Variants in ASAP2 observed in about 807,000 individuals in gnomAD.
The protein encoded by ASAP2 is ArfGAP with SH3 domain, ankyrin repeat and PH domain 2.
A neutral mutation model predicts 131.4 loss-of-function variants in ASAP2; 45 were observed. The ratio of observed to expected loss-of-function variants is 0.34; its 90% CI spans 0.27 to 0.44. The LOEUF is 0.44. Ranked by LOEUF, ASAP2 falls within the 20% of genes least tolerant of loss-of-function variation. The pLI is 1.00. For synonymous variants in ASAP2, 510 were observed against 503.0 expected (o/e 1.01, Z -0.19); for missense variants, 1,011 against 1,297.0 (o/e 0.78, Z 3.39).
rs748243468 is a variant in ASAP2, at chr2:9,392,667, A to G, written c.2519-815A>G. On this transcript the variant is annotated intron_variant, in intron 23 of 27. Transcript: ENST00000281419. The surrounding 1 kb of genome is among the most constrained non-coding windows in gnomAD (Gnocchi z 4.0). ...GGAAACAATAATGATAAAAAGAAAG[A>G]TCATAAGCTGGATCCCTTCATGTTT... Among the ~76,000 whole-genome samples the G allele has an allele frequency of 1.3e-5, 2 of 152,162 alleles. No homozygotes were observed. The highest frequency in any genetic ancestry group is 2.9e-5 in the Non-Finnish European group (2 of 68,024).
chr2:9,393,424 GGCCTGAGTGGGAA>G (rs1217407378), intron 23 of ASAP2, 45 bp from the exon 24 acceptor site: 12 of 1,465,600 alleles, frequency 8.2e-6, no homozygotes, highest in Middle Eastern at 1.8e-4. Flanking sequence ...CCAGTGAGGA[GGCCTGAGTGGGAA>G]GCCTGGCGGC....
intron 1 of ASAP2, among the ~76,000 whole-genome samples, chr2:9,246,429 G>A (rs886773816): frequency 3.3e-5 from 5 of 151,838 alleles, no homozygotes; most frequent in African/African-American, 1.2e-4. Context: ...TGGAGCTACA[G>A]GTGTGCGCTA....
chr2:9,384,916 A>T (rs1161105666), intron 20 of ASAP2, among the ~76,000 whole-genome samples: 1 of 152,266 alleles, frequency 6.6e-6, no homozygotes, highest in Non-Finnish European at 1.5e-5. Context: ...GCCTTGGGGC[A>T]GGAGAAGTTC....
At chr2:9,341,453 G>A (rs78046784) in intron 9 of ASAP2, among the ~76,000 whole-genome samples, 3,099 of 152,066 alleles carry the variant, frequency 0.02, 109 homozygotes, top group African/African-American at 0.071. Context: ...TGATTTCATT[G>A]TCACCTTCTG....
intron 7 of ASAP2, among the ~76,000 whole-genome samples, chr2:9,328,323 A>T (rs1329658062): frequency 6.6e-6 from 1 of 152,204 alleles, no homozygotes; most frequent in Non-Finnish European, 1.5e-5. Context: ...TAAAAGGATG[A>T]ATTTTATGGC....
At chr2:9,376,645 C>T (rs562607434) in intron 17 of ASAP2, among the ~76,000 whole-genome samples, 1 of 152,162 alleles carries the variant, frequency 6.6e-6, no homozygotes, top group South Asian at 2.1e-4. Context: ...GGGGACAGGT[C>T]GATTGAGAGG....
chr2:9,333,264 G>T (rs1572476574), intron 7 of ASAP2, among the ~76,000 whole-genome samples: 2 of 152,308 alleles, frequency 1.3e-5, no homozygotes, highest in African/African-American at 2.4e-5. Context: ...TCAATAAATG[G>T]CATGTGCTTG....
At chr2:9,338,481 C>T (rs777271584) in intron 9 of ASAP2, among the ~76,000 whole-genome samples, 4 of 152,154 alleles carry the variant, frequency 2.6e-5, no homozygotes, top group Non-Finnish European at 4.4e-5. Flanking sequence ...TCTGGGTTCG[C>T]GTATCTTACA....
chr2:9,275,734 CCT>C (rs1666721565), intron 1 of ASAP2, among the ~76,000 whole-genome samples: 1 of 152,184 alleles, frequency 6.6e-6, no homozygotes, highest in South Asian at 2.1e-4. Flanking sequence ...ATCATCCTTT[CCT>C]GAGCTGCTTC....
At position 9,246,524 on chromosome 2, in the gene ASAP2, TCAAA is replaced by T. The variant is rs1377832208; in HGVS notation, c.127-32789_127-32786del. Among the ~76,000 whole-genome samples, 5 of 152,150 alleles carry T rather than the reference TCAAA, an allele frequency of 3.3e-5. No homozygotes were observed. The East Asian group carries it at 5.8e-4, about 18-fold the overall frequency. On this transcript the variant is annotated intron_variant, in intron 1 of 27. Transcript: ENST00000281419. ...CCAGACTGGTTTTGAACTCCTGGGC[TCAAA>T]CAATCAGCCTTGGCCTCCCATGCCA...
chr2:9,303,603 C>T (rs1327332110), intron 3 of ASAP2, among the ~76,000 whole-genome samples: 1 of 152,156 alleles, frequency 6.6e-6, no homozygotes, highest in Non-Finnish European at 1.5e-5. Context: ...GGCATGGCCT[C>T]ATTTATAGTT....
chr2:9,377,982 C>T (rs1428704806), intron 18 of ASAP2, among the ~76,000 whole-genome samples: 2 of 152,166 alleles, frequency 1.3e-5, no homozygotes, highest in Non-Finnish European at 1.5e-5. Context: ...ATGCCTCTCC[C>T]TCCATGCACA....
At position 9,356,547 on chromosome 2, in the gene ASAP2, G is replaced by A. The variant is rs187104899; in HGVS notation, c.1327+202G>A. ...AGGGGCGGGAAGATGTTTGCCTGCC[G>A]GGCCCCAGAGCAGGACTGAGTAAAG... On this transcript the variant is annotated intron_variant, in intron 14 of 27. Transcript: ENST00000281419. 1.5e-4 allele frequency among the ~76,000 whole-genome samples: 23 copies of A among 152,260 alleles called. 2 individuals carry two copies. The highest frequency in any genetic ancestry group is 5.1e-4 in the African/African-American group (21 of 41,544).
Position 9,207,124 on chromosome 2 carries a change from T to C in ASAP2, c.20T>C (p.Val7Ala). 1 of 1,596,402 alleles carries C rather than the reference T, an allele frequency of 6.3e-7. No individual in the cohort carries two copies. Among genetic ancestry groups the C allele is most frequent in the Non-Finnish European group, 8.5e-7 (1 of 1,172,468 alleles). Residue 7 changes from valine (V) to alanine (A), a missense_variant, in exon 1 of 28, where the codon GTG becomes GCG. Val to Ala is a moderately conservative substitution (Grantham distance 64). This residue lies in a region of ASAP2 where 359 missense variants were observed against 598.1 expected (regional missense o/e 0.60). Coordinates refer to ENST00000281419, the MANE Select transcript of ASAP2 (RefSeq NM_003887.3). This position sits in a 1 kb window ranked among gnomAD's most constrained non-coding sequence, Gnocchi z 4.1. The stretch of plus-strand genomic sequence containing the variant: ...GAGGCGATGCCGGACCAGATCTCCG[T>C]GTCGGAATTCGTGGCCGAGACCCAT... MPDQIS[V>A]SEFVAETHED...
intron 1 of ASAP2, among the ~76,000 whole-genome samples, chr2:9,238,218 T>C (rs1000603162): frequency 1.3e-5 from 2 of 152,232 alleles, no homozygotes; most frequent in African/African-American, 4.8e-5. Flanking sequence ...TGGTTCCTTG[T>C]ATTTGTTCTG....
chr2:9,359,665 A>G (rs1369775896), intron 15 of ASAP2, among the ~76,000 whole-genome samples: 1 of 152,218 alleles, frequency 6.6e-6, no homozygotes, highest in East Asian at 1.9e-4. Flanking sequence ...TAGGGAATTT[A>G]ACGTCAAGAG....
At chr2:9,219,238 T>C (rs1188907034) in intron 1 of ASAP2, among the ~76,000 whole-genome samples, 1 of 152,244 alleles carries the variant, frequency 6.6e-6, no homozygotes, top group Non-Finnish European at 1.5e-5. Context: ...GAACCAGTGT[T>C]CTCATCATTG....
chr2:9,314,165 A>G (rs1669495814), intron 3 of ASAP2, among the ~76,000 whole-genome samples: 1 of 151,902 alleles, frequency 6.6e-6, no homozygotes, highest in Non-Finnish European at 1.5e-5. Context: ...TGTATTTTTA[A>G]TAGAGATGGG....
In ASAP2 at chr2:9,269,520, G is replaced by A. The variant is rs533078063; in HGVS notation, c.127-9797G>A. Among the ~76,000 whole-genome samples, 8 of 152,312 alleles carry A rather than the reference G, an allele frequency of 5.3e-5. No homozygotes were observed. The East Asian group carries it at 9.7e-4, about 18-fold the overall frequency. On this transcript the variant is annotated intron_variant, in intron 1 of 27. Coordinates refer to ENST00000281419, the MANE Select transcript of ASAP2 (RefSeq NM_003887.3). ...TGTGGGGGACCAAGAAGAGGTAGAG[G>A]AGCCCCCACATGGAGGAGGGTGGCC...
Sources: gnomAD v4.1 joint callset for allele counts (sites outside exome capture counted in the v4.1 genomes callset) on GRCh38, gnomAD v4.1.1 for gene constraint, gnomAD v4.1.1 regional missense constraint, Gnocchi (gnomAD v3.1) non-coding constraint, MANE v1.5 for transcripts, NCBI Gene and HGNC (gene_info 2026-07-23, HGNC 2026-07-21) for gene names.